Variants in DNMT1 observed in about 807,000 individuals in gnomAD.
DNMT1 encodes the protein DNA (cytosine-5)-methyltransferase 1.
In DNMT1, 24 loss-of-function variants were observed where a neutral mutation model predicts 205.3. The ratio of observed to expected loss-of-function variants is 0.12; its 90% CI spans 0.08 to 0.16. The LOEUF (loss-of-function observed/expected upper bound fraction) is 0.16, where lower values mean the gene tolerates loss of function less well. Ranked by LOEUF, DNMT1 falls within the 10% of genes least tolerant of loss-of-function variation. DNMT1 has a pLI of 1.00. For synonymous variants in DNMT1, 817 were observed against 839.8 expected, an observed-to-expected ratio of 0.97 and a Z score of 0.47; for missense variants, 1,293 against 2,177.7, an observed-to-expected ratio of 0.59 and a Z score of 8.09.
In DNMT1 at chr19:10,194,093, C is replaced by T. The variant is rs974754213; in HGVS notation, c.80+727G>A. ...AGCAAGACTTCCCTGATGCCCACGGCTCACAGGCACAGATTTACAGGAAAA... is the reference window on the plus strand; with the variant it reads ...AGCAAGACTTCCCTGATGCCCACGGTTCACAGGCACAGATTTACAGGAAAA... On this transcript the variant is annotated intron_variant, in intron 1 of 40. Transcript: ENST00000359526. Among the ~76,000 whole-genome samples, 5 of 152,346 alleles carry T rather than the reference C, an allele frequency of 3.3e-5. No individual in the cohort carries two copies. In the East Asian group the frequency reaches 9.6e-4, roughly 29 times the overall value.
chr19:10,173,008 C>A (rs80026830), intron 9 of DNMT1, 82 bp downstream of exon 9: 4 of 1,529,988 alleles, frequency 2.6e-6, no homozygotes, highest in African/African-American at 1.4e-5. Context: ...TTCCCCACCC[C>A]CTGTCCCCAC....
intron 6 of DNMT1, among the ~76,000 whole-genome samples, chr19:10,176,544 A>G (rs2038942160): frequency 6.6e-6 from 1 of 152,196 alleles, no homozygotes; most frequent in Non-Finnish European, 1.5e-5. Context: ...TCAGAACAGT[A>G]TTATACTTTG....
At chr19:10,182,478 CATATATATGTGTATATATATGT>C (rs2039081138) in intron 1 of DNMT1, among the ~76,000 whole-genome samples, 1 of 108,782 alleles carries the variant, frequency 9.2e-6, no homozygotes, top group South Asian at 2.6e-4. Flanking sequence ...TATATATATA[CATATATATGTGTATATATATGT>C]GTGTATATAT....
rs1446131918 is a variant in DNMT1 at position 10,151,388 on chromosome 19, C to CAA, written c.2265+8_2265+9dup. ...TGGCAGTGAGCTGACCAAGGGGCTC[C>CAA]AAGGGTTACCTTGACGGCTTCTCCG... On this transcript the variant is annotated intron_variant, in intron 24 of 40. Transcript: ENST00000359526. The surrounding 1 kb of genome is among the most constrained non-coding windows in gnomAD (Gnocchi z 5.0). 10 of 1,612,154 alleles carry CAA rather than the reference C, an allele frequency of 6.2e-6. No individual in the cohort carries two copies. Among genetic ancestry groups the CAA allele is most frequent in the Non-Finnish European group, 8.5e-6 (10 of 1,180,014 alleles).
At chr19:10,183,124 TA>T (rs200361912) in intron 1 of DNMT1, among the ~76,000 whole-genome samples, 6,921 of 116,428 alleles carry the variant, frequency 0.059, 224 homozygotes, top group East Asian at 0.22. Context: ...TATATATATA[TA>T]TTTTTTTTTT....
At position 10,138,648 on chromosome 19, in the gene DNMT1, C is replaced by A; in HGVS notation, c.3949-43G>T. On this transcript the variant is annotated intron_variant, in intron 34 of 40. Transcript: ENST00000359526. The surrounding 1 kb of genome is among the most constrained non-coding windows in gnomAD (Gnocchi z 4.1). ...GGACAACCCCACCGTCAGTGGGACA[C>A]TCCCAACTGGACTGGCCAGACCCAG... The A allele has an allele frequency of 6.3e-7, 1 of 1,586,198 alleles. No individual in the cohort carries two copies. Among genetic ancestry groups the A allele is most frequent in the Non-Finnish European group, 8.5e-7 (1 of 1,174,300 alleles).
intron 1 of DNMT1, among the ~76,000 whole-genome samples, chr19:10,191,409 A>G (rs1599412542): frequency 6.6e-6 from 1 of 152,052 alleles, no homozygotes. Context: ...ATAAACTACA[A>G]TTTCAATGTC....
At chr19:10,168,224 T>G (rs1463450158) in intron 10 of DNMT1, 106 bp downstream of exon 10, 4 of 1,315,614 alleles carry the variant, frequency 3.0e-6, no homozygotes, top group Non-Finnish European at 2.2e-6. Flanking sequence ...ATAAGAGACA[T>G]ATGATTAGTG....
At position 10,140,306 on chromosome 19, in the gene DNMT1, G is replaced by A. The variant is rs775884429; in HGVS notation, c.3546C>T (p.Ala1182=). 1.4e-5 allele frequency: 23 copies of A among 1,613,842 alleles called. No individual in the cohort carries two copies. Among genetic ancestry groups the A allele is most frequent in the Non-Finnish European group, 1.4e-5 (17 of 1,180,030 alleles). Residue 1182 remains alanine, a synonymous_variant, in exon 33 of 41, where the codon GCC becomes GCT. Transcript: ENST00000359526. This position sits in a 1 kb window ranked among gnomAD's most constrained non-coding sequence, Gnocchi z 8.4. ...GGGCCGCAGGGTCCCACATCTCGAT[G>A]GCCCACAGCGTGTCAGAGATGCCTG... ...HQAGISDTLW[A]IEMWDPAAQA...
chr19:10,168,118 G>A (rs1339409308), intron 10 of DNMT1, among the ~76,000 whole-genome samples: 3 of 151,964 alleles, frequency 2.0e-5, no homozygotes, highest in African/African-American at 4.8e-5. Context: ...GCAAGACTCC[G>A]TCTCAAAATT....
In DNMT1 at chr19:10,140,747, C is replaced by G. The variant is rs770611195; in HGVS notation, c.3523+34G>C. 1 of 1,613,878 alleles carries G rather than the reference C, an allele frequency of 6.2e-7. No individual in the cohort carries two copies. Among genetic ancestry groups the G allele is most frequent in the South Asian group, 1.1e-5 (1 of 91,082 alleles). On this transcript the variant is annotated intron_variant, in intron 32 of 40. Coordinates refer to ENST00000359526, the MANE Select transcript of DNMT1 (RefSeq NM_001130823.3). This position sits in a 1 kb window ranked among gnomAD's most constrained non-coding sequence, Gnocchi z 8.4. ...TAGCACCTGCCCGGTCTGGGCTCAC[C>G]AGGTATTCAGAGATGGAGCCTACGG...
intron 9 of DNMT1, 148 bp from the exon 10 acceptor site, chr19:10,168,512 A>C: frequency 5.1e-6 from 4 of 786,190 alleles, no homozygotes; most frequent in Non-Finnish European, 8.6e-6. Flanking sequence ...ACAGTAGCTC[A>C]TGCCTGTAAT....
At chr19:10,186,579 C>T (rs1185869562) in intron 1 of DNMT1, among the ~76,000 whole-genome samples, 1 of 152,084 alleles carries the variant, frequency 6.6e-6, no homozygotes, top group Admixed American at 6.6e-5. Context: ...TGGCTCATGC[C>T]TGTAATCCCA....
At chr19:10,191,430 T>C (rs1179278570) in intron 1 of DNMT1, among the ~76,000 whole-genome samples, 1 of 150,236 alleles carries the variant, frequency 6.7e-6, no homozygotes, top group Non-Finnish European at 1.5e-5. Flanking sequence ...TACCACATGG[T>C]CAAAAGCAGT....
chr19:10,161,099 G>T (rs1327167117), intron 13 of DNMT1, among the ~76,000 whole-genome samples: 3 of 152,118 alleles, frequency 2.0e-5, no homozygotes, highest in African/African-American at 7.2e-5. Context: ...GAGATCAAGA[G>T]ATTGAGACCA....
chr19:10,188,539 C>T (rs2039238680), intron 1 of DNMT1, among the ~76,000 whole-genome samples: 1 of 152,128 alleles, frequency 6.6e-6, no homozygotes, highest in African/African-American at 2.4e-5. Flanking sequence ...GACTCCATCT[C>T]AAAAAGAGTG....
At chr19:10,190,269 G>C (rs1009821236) in intron 1 of DNMT1, among the ~76,000 whole-genome samples, 1 of 152,150 alleles carries the variant, frequency 6.6e-6, no homozygotes, top group Non-Finnish European at 1.5e-5. Flanking sequence ...GCTGTACAGG[G>C]GAAGAGCTGG....
intron 13 of DNMT1, among the ~76,000 whole-genome samples, chr19:10,161,314 T>C (rs1285363614): frequency 1.4e-5 from 2 of 140,706 alleles, no homozygotes; most frequent in Non-Finnish European, 3.1e-5. Flanking sequence ...AAAAAACAAA[T>C]ACATAAGTAA....
chr19:10,180,307 A>C, intron 4 of DNMT1, 43 bp downstream of exon 4: 2 of 1,594,614 alleles, frequency 1.3e-6, no homozygotes, highest in Non-Finnish European at 1.7e-6. Flanking sequence ...GTGAGACTCC[A>C]TCTCAAAAAC....
Sources: gnomAD v4.1 joint callset for allele counts (sites outside exome capture counted in the v4.1 genomes callset) on GRCh38, gnomAD v4.1.1 for gene constraint, Gnocchi (gnomAD v3.1) non-coding constraint, MANE v1.5 for transcripts, NCBI Gene and HGNC (gene_info 2026-07-23, HGNC 2026-07-21) for gene names.